ADK: variants seen among roughly 807,000 people sequenced by gnomAD.
ADK encodes the protein N6,N6-dimethyladenosine kinase.
A neutral mutation model predicts 44.7 loss-of-function variants in ADK; 24 were observed. The ratio of observed to expected loss-of-function variants is 0.54; its 90% CI spans 0.39 to 0.76. The LOEUF (loss-of-function observed/expected upper bound fraction) is 0.76, where lower values mean the gene tolerates loss of function less well. Ranked by LOEUF, ADK falls within the 30% of genes least tolerant of loss-of-function variation. ADK has a pLI of 0.00. For synonymous variants in ADK, 128 were observed against 142.6 expected (o/e 0.90, Z 0.73); for missense variants, 321 against 425.1 (o/e 0.76, Z 2.15).
chr10:74,322,375 A>G (rs1236255499), intron 4 of ADK, among the ~76,000 whole-genome samples: 1 of 152,220 alleles, frequency 6.6e-6, no homozygotes, highest in Non-Finnish European at 1.5e-5. Context: ...GTGTCATTGA[A>G]GAAAGTAGTA....
intron 7 of ADK, among the ~76,000 whole-genome samples, chr10:74,585,507 A>G (rs1851500042): frequency 6.6e-6 from 1 of 152,204 alleles, no homozygotes; most frequent in African/African-American, 2.4e-5. Context: ...CTTCTCAGAA[A>G]TACTCTTTCC....
At chr10:74,325,611 T>G (rs1232757240) in intron 4 of ADK, among the ~76,000 whole-genome samples, 1 of 152,226 alleles carries the variant, frequency 6.6e-6, no homozygotes, top group African/African-American at 2.4e-5. Flanking sequence ...ATAATAGCTT[T>G]GGATTTTTCA....
chr10:74,559,857 TG>T (rs1205553008), intron 7 of ADK, among the ~76,000 whole-genome samples: 28 of 150,736 alleles, frequency 1.9e-4, no homozygotes, highest in African/African-American at 6.4e-4. Flanking sequence ...TTTTTCATGT[TG>T]TTTTTTTTTT....
intron 3 of ADK, among the ~76,000 whole-genome samples, chr10:74,285,720 G>A (rs1485563065): frequency 6.6e-6 from 1 of 151,914 alleles, no homozygotes; most frequent in Non-Finnish European, 1.5e-5. Context: ...TTAGACTGCT[G>A]GAATAGTCCA....
In ADK at chr10:74,484,974, C is replaced by T. The variant is rs73272232; in HGVS notation, c.556-40282C>T. Among the ~76,000 whole-genome samples, 503 of 151,310 alleles carry T rather than the reference C, an allele frequency of 3.3e-3. 3 individuals carry two copies. The highest frequency in any genetic ancestry group is 0.011 in the African/African-American group (468 of 41,184). On this transcript the variant is annotated intron_variant, in intron 6 of 10. Transcript: ENST00000539909. ...ACTTTTGAGAATATCTGTATGATCT[C>T]GGGGTGTGGAAAAATTTCTTAAGCA...
At chr10:74,677,646 G>A (rs1341774249) in intron 10 of ADK, among the ~76,000 whole-genome samples, 1 of 152,050 alleles carries the variant, frequency 6.6e-6, no homozygotes, top group Non-Finnish European at 1.5e-5. Context: ...ACCTTCATAT[G>A]ACCCACATCT....
At chr10:74,346,374 G>C (rs1841766100) in intron 4 of ADK, among the ~76,000 whole-genome samples, 1 of 152,086 alleles carries the variant, frequency 6.6e-6, no homozygotes, top group Admixed American at 6.5e-5. Flanking sequence ...TTGCAATGTA[G>C]GTAGGCCTCA....
At chr10:74,541,679 A>C (rs1342186739) in intron 7 of ADK, among the ~76,000 whole-genome samples, 1 of 151,408 alleles carries the variant, frequency 6.6e-6, no homozygotes. Flanking sequence ...TGTAGTCCCA[A>C]CTACTTGGGA....
At chr10:74,310,078 G>T (rs1386106721) in intron 3 of ADK, among the ~76,000 whole-genome samples, 1 of 151,976 alleles carries the variant, frequency 6.6e-6, no homozygotes, top group African/African-American at 2.4e-5. Flanking sequence ...TAGGCTTGTG[G>T]TGGAAAAATG....
At chr10:74,288,554 G>T (rs1157527445) in intron 3 of ADK, among the ~76,000 whole-genome samples, 1 of 152,116 alleles carries the variant, frequency 6.6e-6, no homozygotes, top group Non-Finnish European at 1.5e-5. Context: ...GGAGGCTGAG[G>T]CAGGAGAATA....
At chr10:74,474,872 A>G (rs763225913) in intron 6 of ADK, among the ~76,000 whole-genome samples, 42 of 152,232 alleles carry the variant, frequency 2.8e-4, no homozygotes, top group Admixed American at 1.4e-3. Context: ...TCACGCCTGT[A>G]ATCCCAGCAC....
intron 7 of ADK, among the ~76,000 whole-genome samples, chr10:74,544,736 G>A (rs752197459): frequency 2.0e-5 from 3 of 151,844 alleles, no homozygotes; most frequent in African/African-American, 4.8e-5. Flanking sequence ...TTAGCTGGGC[G>A]TGGTGATGCA....
At chr10:74,287,324 C>T (rs1454709695) in intron 3 of ADK, among the ~76,000 whole-genome samples, 2 of 151,942 alleles carry the variant, frequency 1.3e-5, no homozygotes, top group East Asian at 1.9e-4. Context: ...ATTAGTGGGG[C>T]GTGGTGGTGC....
chr10:74,691,259 A>T (rs966653933), intron 10 of ADK, among the ~76,000 whole-genome samples: 4 of 152,212 alleles, frequency 2.6e-5, no homozygotes, highest in Non-Finnish European at 5.9e-5. Context: ...AATGACTAAG[A>T]ACAAAGTTTG....
intron 1 of ADK, among the ~76,000 whole-genome samples, chr10:74,168,553 AAAG>A: frequency 7.7e-6 from 1 of 129,812 alleles, no homozygotes; most frequent in African/African-American, 4.4e-5. Context: ...AAAAAAAAAG[AAAG>A]AAAGAAAAAA....
chr10:74,691,481 G>C (rs1225135533), intron 10 of ADK, among the ~76,000 whole-genome samples: 2 of 152,152 alleles, frequency 1.3e-5, no homozygotes, highest in African/African-American at 4.8e-5. Flanking sequence ...AAAGAACATT[G>C]GTAACTTAAG....
At chr10:74,341,915 T>TA (rs1314107337) in intron 4 of ADK, among the ~76,000 whole-genome samples, 1 of 152,192 alleles carries the variant, frequency 6.6e-6, no homozygotes, top group Non-Finnish European at 1.5e-5. Flanking sequence ...TAGTAAAACA[T>TA]ATACTTAGCA....
At chr10:74,301,631 T>C (rs1393301825) in intron 3 of ADK, among the ~76,000 whole-genome samples, 1 of 152,102 alleles carries the variant, frequency 6.6e-6, no homozygotes, top group Non-Finnish European at 1.5e-5. Context: ...TTTATTGTTA[T>C]TAATATTCCT....
intron 4 of ADK, among the ~76,000 whole-genome samples, chr10:74,391,147 A>AGTCC (rs1843315029): frequency 6.6e-6 from 1 of 152,186 alleles, no homozygotes; most frequent in Non-Finnish European, 1.5e-5. Context: ...GTTCCTTATA[A>AGTCC]TTATTCCATT....
Sources: gnomAD v4.1 joint callset for allele counts (sites outside exome capture counted in the v4.1 genomes callset) on GRCh38, gnomAD v4.1.1 for gene constraint, MANE v1.5 for transcripts, NCBI Gene and HGNC (gene_info 2026-07-23, HGNC 2026-07-21) for gene names.